Variants in RBFOX1 observed in about 807,000 individuals in gnomAD.
The protein encoded by RBFOX1 is RNA binding protein fox-1 homolog 1.
RBFOX1 carries 8 observed loss-of-function variants against 57.7 expected under a neutral mutation model. The ratio of observed to expected loss-of-function variants is 0.14; its 90% confidence interval spans 0.08 to 0.25. The LOEUF (loss-of-function observed/expected upper bound fraction) is 0.25. Ranked by LOEUF, RBFOX1 falls within the 10% of genes least tolerant of loss-of-function variation. The probability of loss-of-function intolerance (pLI) is 1.00; values close to 1 mark genes in which losing one functional copy is unlikely to be tolerated. For synonymous variants in RBFOX1, 326 were observed against 222.4 expected (o/e 1.47, Z -4.15); for missense variants, 611 against 548.5 (o/e 1.11, Z -1.14).
intron 9 of RBFOX1, among the ~76,000 whole-genome samples, chr16:7,597,651 T>G (rs2152959512): frequency 6.6e-6 from 1 of 152,372 alleles, no homozygotes; most frequent in South Asian, 2.1e-4. Flanking sequence ...TCTTCCCTTC[T>G]TTCTAGAATA....
intron 2 of RBFOX1, among the ~76,000 whole-genome samples, chr16:5,570,141 G>A (rs947306664): frequency 2.0e-5 from 3 of 152,066 alleles, no homozygotes; most frequent in Non-Finnish European, 4.4e-5. Flanking sequence ...CCAAATATTC[G>A]GAGGTTTATT....
intron 4 of RBFOX1, among the ~76,000 whole-genome samples, chr16:7,245,735 A>G (rs182816483): frequency 3.9e-5 from 6 of 152,350 alleles, no homozygotes; most frequent in East Asian, 3.9e-4. Flanking sequence ...AGAGAAAAGT[A>G]GCTTTTTTGA....
intron 3 of RBFOX1, among the ~76,000 whole-genome samples, chr16:6,784,241 G>C (rs903723157): frequency 6.6e-6 from 1 of 151,978 alleles, no homozygotes; most frequent in Non-Finnish European, 1.5e-5. Flanking sequence ...TTCAAGGCCA[G>C]TGACTCTTAG....
chr16:6,959,136 A>C lies in RBFOX1; in HGVS notation c.-15-92921A>C, dbSNP rs1427639321. ...TTTGTCTTTTCAGAAATTAAAATCC[A>C]CTTTTTCAGACTACGATGGATTGGA... is the stretch of plus-strand genomic sequence containing the variant. On this transcript the variant is annotated intron_variant, in intron 3 of 15. Coordinates refer to ENST00000550418, the MANE Select transcript of RBFOX1 (RefSeq NM_018723.4). 2.6e-5 allele frequency among the ~76,000 whole-genome samples: 4 copies of C among 152,094 alleles called. No individual in the cohort carries two copies. The East Asian group carries it at 7.7e-4, about 29-fold the overall frequency.
At chr16:6,906,241 C>A (rs1438072976) in intron 3 of RBFOX1, among the ~76,000 whole-genome samples, 1 of 151,168 alleles carries the variant, frequency 6.6e-6, no homozygotes, top group Non-Finnish European at 1.5e-5. Context: ...AATTTATTAC[C>A]CCCCCCCAAA....
chr16:6,887,006 CTTT>C (rs2064208317), intron 3 of RBFOX1, among the ~76,000 whole-genome samples: 2 of 152,056 alleles, frequency 1.3e-5, no homozygotes. Flanking sequence ...ATTTTTTCCA[CTTT>C]CTGGTTTGAT....
chr16:7,051,952 G>T (rs894609671), intron 3 of RBFOX1, 105 bp from the exon 4 acceptor site: 16 of 1,477,534 alleles, frequency 1.1e-5, no homozygotes, highest in African/African-American at 2.8e-5. Flanking sequence ...AATTAATTAT[G>T]GGTTTTCTTT....
intron 3 of RBFOX1, among the ~76,000 whole-genome samples, chr16:7,036,314 A>C (rs775419089): frequency 6.6e-6 from 1 of 152,114 alleles, no homozygotes; most frequent in Non-Finnish European, 1.5e-5. Flanking sequence ...AACTTTCAGA[A>C]GCAGTAGCCA....
In RBFOX1 at chr16:7,459,390, C is replaced by G. The variant is rs530740066; in HGVS notation, c.28-58757C>G. ...TTTTGTACAAAAGTATGTTTGGTTC[C>G]GTGCCTTCCTTCCTTCTCTGGCAAA... is the stretch of plus-strand genomic sequence containing the variant. On this transcript the variant is annotated intron_variant, in intron 4 of 15. Transcript: ENST00000550418. Among the ~76,000 whole-genome samples the G allele has an allele frequency of 3.3e-5, 5 of 152,102 alleles. No individual in the cohort carries two copies. In the East Asian group the frequency reaches 9.6e-4, roughly 29 times the overall value.
At chr16:5,694,468 A>C (rs532045850) in intron 3 of RBFOX1, among the ~76,000 whole-genome samples, 1 of 152,174 alleles carries the variant, frequency 6.6e-6, no homozygotes, top group Non-Finnish European at 1.5e-5. Context: ...CACTTGGTCT[A>C]TGAAATCGGT....
intron 2 of RBFOX1, among the ~76,000 whole-genome samples, chr16:6,351,871 C>T (rs1016446684): frequency 1.3e-5 from 2 of 152,154 alleles, no homozygotes; most frequent in Non-Finnish European, 2.9e-5. Flanking sequence ...ATTTATTTTA[C>T]AACCTACCTA....
At chr16:5,826,772 A>C (rs1021663778) in intron 3 of RBFOX1, among the ~76,000 whole-genome samples, 3 of 152,224 alleles carry the variant, frequency 2.0e-5, no homozygotes, top group African/African-American at 7.2e-5. Context: ...TTTTAACACA[A>C]GTTCCTTTTA....
At chr16:5,540,300 A>G (rs537974142) in intron 2 of RBFOX1, among the ~76,000 whole-genome samples, 2 of 152,328 alleles carry the variant, frequency 1.3e-5, no homozygotes, top group South Asian at 4.1e-4. Context: ...GTAGAAGATT[A>G]CATGTTCATA....
intron 3 of RBFOX1, among the ~76,000 whole-genome samples, chr16:6,896,830 A>G (rs1186775789): frequency 1.3e-5 from 2 of 152,206 alleles, no homozygotes; most frequent in South Asian, 2.1e-4. Context: ...TAGGATAGAA[A>G]GAAGATTGCA....
intron 3 of RBFOX1, among the ~76,000 whole-genome samples, chr16:6,893,176 C>T (rs901367882): frequency 4.6e-5 from 7 of 152,014 alleles, no homozygotes; most frequent in South Asian, 2.1e-4. Flanking sequence ...ATTTTGCAGG[C>T]AGTGGAGTGA....
chr16:6,293,294 C>T (rs2077666600), intron 1 of RBFOX1, among the ~76,000 whole-genome samples: 1 of 152,134 alleles, frequency 6.6e-6, no homozygotes, highest in Admixed American at 6.5e-5. Context: ...GCTTCAAAGT[C>T]TGCCTCCTTA....
intron 2 of RBFOX1, among the ~76,000 whole-genome samples, chr16:6,567,580 C>G (rs80129406): frequency 0.011 from 1,706 of 152,238 alleles, 18 homozygotes; most frequent in Non-Finnish European, 0.018. Context: ...TCTGCTTGTT[C>G]TCAGTCTCTG....
chr16:6,855,686 G>A (rs942403971), intron 3 of RBFOX1, among the ~76,000 whole-genome samples: 1 of 151,748 alleles, frequency 6.6e-6, no homozygotes, highest in African/African-American at 2.4e-5. Context: ...TAACTCTGGA[G>A]AGTTATCTCA....
At chr16:6,233,956 A>G (rs2097485716) in intron 1 of RBFOX1, among the ~76,000 whole-genome samples, 2 of 152,200 alleles carry the variant, frequency 1.3e-5, no homozygotes. Flanking sequence ...CAGTTTCAGA[A>G]GCTGGGAAGT....
Sources: allele counts gnomAD v4.1 joint callset (sites outside exome capture counted in the v4.1 genomes callset), GRCh38; gene constraint gnomAD v4.1.1; transcripts MANE v1.5; gene names NCBI Gene and HGNC (gene_info 2026-07-23, HGNC 2026-07-21).